EEF1AKMT2: variants seen among roughly 807,000 people sequenced by gnomAD.
EEF1AKMT2 encodes the protein eukaryotic translation elongation factor 1 alpha lysine methyltransferase 2.
In EEF1AKMT2, 32 loss-of-function variants were observed where a neutral mutation model predicts 35.8. The ratio of observed to expected loss-of-function variants is 0.89; its 90% CI spans 0.67 to 1.20. The LOEUF (loss-of-function observed/expected upper bound fraction) is 1.20. Ranked by LOEUF, EEF1AKMT2 falls within the 50% of genes most tolerant of loss-of-function variation. The pLI is 0.00. For synonymous variants in EEF1AKMT2, 121 were observed against 133.7 expected (o/e 0.91, Z 0.65); for missense variants, 330 against 347.5 (o/e 0.95, Z 0.40).
chr10:124,774,851 T>C (rs1023890457), intron 3 of EEF1AKMT2, 69 bp from the exon 4 acceptor site: 10 of 725,108 alleles, frequency 1.4e-5, no homozygotes, highest in South Asian at 2.9e-5. Context: ...AATTATAATA[T>C]TCCTTTAGGA....
intron 3 of EEF1AKMT2, among the ~76,000 whole-genome samples, chr10:124,788,166 T>A (rs1336752944): frequency 6.6e-6 from 1 of 152,168 alleles, no homozygotes; most frequent in Non-Finnish European, 1.5e-5. Context: ...AGATAATATT[T>A]CCATTAGTTG....
At chr10:124,775,978 C>T (rs1354586532) in intron 3 of EEF1AKMT2, among the ~76,000 whole-genome samples, 9 of 151,330 alleles carry the variant, frequency 5.9e-5, no homozygotes, top group Non-Finnish European at 1.3e-4. Context: ...AATGCAGTGG[C>T]ACGATCTCGG....
intron 3 of EEF1AKMT2, among the ~76,000 whole-genome samples, chr10:124,781,052 T>A (rs1246679968): frequency 1.3e-5 from 2 of 151,926 alleles, no homozygotes; most frequent in Admixed American, 1.3e-4. Context: ...TTCAAGCTAT[T>A]CCCCTGCCTC....
At chr10:124,757,154 C>G (rs1950292591), downstream of EEF1AKMT2, among the ~76,000 whole-genome samples, 1 of 136,400 alleles carries the variant, frequency 7.3e-6, no homozygotes, top group Non-Finnish European at 1.5e-5. Context: ...CAGAGCCCAT[C>G]AACACTCCCT....
chr10:124,776,861 T>C (rs762793004), intron 3 of EEF1AKMT2, among the ~76,000 whole-genome samples: 3 of 139,636 alleles, frequency 2.1e-5, no homozygotes, highest in African/African-American at 5.3e-5. Context: ...AAGGGTGGGC[T>C]TGATAGCAGA....
intron 3 of EEF1AKMT2, among the ~76,000 whole-genome samples, chr10:124,782,680 C>T (rs1429081096): frequency 4.0e-5 from 6 of 148,662 alleles, no homozygotes; most frequent in South Asian, 2.1e-4. Flanking sequence ...TGTGTGGTGG[C>T]GGGTACCTGT....
intron 5 of EEF1AKMT2, 69 bp downstream of exon 5, chr10:124,765,323 G>A: frequency 7.7e-7 from 1 of 1,294,210 alleles, no homozygotes; most frequent in Non-Finnish European, 1.1e-6. Flanking sequence ...ACACAAAACG[G>A]GGAGAAAACC....
At chr10:124,769,233 A>T (rs201610762) in intron 4 of EEF1AKMT2, among the ~76,000 whole-genome samples, 16 of 13,312 alleles carry the variant, frequency 1.2e-3, no homozygotes, top group Non-Finnish European at 0.01. Context: ...AAAAAAAAAA[A>T]ATATATATAT....
intron 3 of EEF1AKMT2, among the ~76,000 whole-genome samples, chr10:124,777,843 CT>C (rs1171317788): frequency 6.6e-6 from 1 of 152,122 alleles, no homozygotes; most frequent in East Asian, 1.9e-4. Context: ...CTAAAGATAT[CT>C]GTACATAGAA....
chr10:124,787,169 C>T (rs1281022801), intron 3 of EEF1AKMT2, among the ~76,000 whole-genome samples: 3 of 151,710 alleles, frequency 2.0e-5, no homozygotes, highest in Non-Finnish European at 4.4e-5. Context: ...GGCATGGTCT[C>T]GATCTCCTGA....
rs569525329 is a variant in EEF1AKMT2 at position 124,760,738 on chromosome 10, T to C, written c.*-235A>G. Among the ~76,000 whole-genome samples the C allele has an allele frequency of 3.3e-5, 5 of 152,332 alleles. No homozygotes were observed. In the South Asian group the frequency reaches 1.0e-3, roughly 32 times the overall value. On this transcript the variant is annotated intron_variant, in intron 6 of 6. Transcript: ENST00000368836. ...AGGAAAAGACAAGACCAAAAACAAT[T>C]TGGAAAAAACAGGCTTTCCATCCAC...
chr10:124,787,723 G>C (rs1950598885), intron 3 of EEF1AKMT2, among the ~76,000 whole-genome samples: 1 of 151,468 alleles, frequency 6.6e-6, no homozygotes, highest in Non-Finnish European at 1.5e-5. Context: ...TCCTACCTGG[G>C]TGACAAAGCC....
intron 3 of EEF1AKMT2, among the ~76,000 whole-genome samples, chr10:124,786,547 C>T (rs1460120048): frequency 1.3e-5 from 2 of 150,684 alleles, no homozygotes; most frequent in African/African-American, 2.4e-5. Flanking sequence ...GAGTGGCTCA[C>T]ACCTATAATA....
chr10:124,786,090 G>C (rs1036056353), intron 3 of EEF1AKMT2, among the ~76,000 whole-genome samples: 1 of 152,058 alleles, frequency 6.6e-6, no homozygotes, highest in South Asian at 2.1e-4. Flanking sequence ...AGGAGTGGGA[G>C]GGGCCACAAG....
intron 3 of EEF1AKMT2, among the ~76,000 whole-genome samples, chr10:124,782,443 G>A (rs927968673): frequency 3.3e-5 from 5 of 151,696 alleles, no homozygotes; most frequent in African/African-American, 7.3e-5. Context: ...TTAGCCGGGC[G>A]TGGTAGCGGG....
At chr10:124,772,130 T>C (rs1428916127) in intron 4 of EEF1AKMT2, among the ~76,000 whole-genome samples, 4 of 152,208 alleles carry the variant, frequency 2.6e-5, no homozygotes, top group Admixed American at 6.5e-5. Context: ...GAAATGGGCA[T>C]TGGCTTCAAC....
At chr10:124,772,075 G>A (rs948966703) in intron 4 of EEF1AKMT2, among the ~76,000 whole-genome samples, 1 of 152,154 alleles carries the variant, frequency 6.6e-6, no homozygotes, top group Admixed American at 6.6e-5. Context: ...CTCATGCAAA[G>A]AAGATCTAGC....
rs545340279 is a variant in EEF1AKMT2 at position 124,784,689 on chromosome 10, G to A, written c.291+4354C>T. ...CTCACGCCTGTAATCCCAGAACTTT[G>A]GGAGGCCAAGATGGGTGGATCACCT... On this transcript the variant is annotated intron_variant, in intron 3 of 6. Coordinates refer to ENST00000368836, the MANE Select transcript of EEF1AKMT2 (RefSeq NM_212554.4). 2.4e-4 allele frequency among the ~76,000 whole-genome samples: 36 copies of A among 152,170 alleles called. No homozygotes were observed. The South Asian group carries it at 6.4e-3, about 27-fold the overall frequency.
At chr10:124,790,585 A>T (rs948556242) in intron 1 of EEF1AKMT2, among the ~76,000 whole-genome samples, 3 of 152,136 alleles carry the variant, frequency 2.0e-5, no homozygotes, top group Non-Finnish European at 4.4e-5. Context: ...CACAACAATA[A>T]GTTTTAGCCT....
Sources: allele counts gnomAD v4.1 joint callset (sites outside exome capture counted in the v4.1 genomes callset), GRCh38; gene constraint gnomAD v4.1.1; transcripts MANE v1.5; gene names NCBI Gene and HGNC (gene_info 2026-07-23, HGNC 2026-07-21).